The following GUCY1A2 variants were observed in gnomAD, a reference collection of about 807,000 sequenced individuals.
GUCY1A2 encodes the protein guanylate cyclase 1 soluble subunit alpha 2, also known as guanylate cyclase soluble subunit alpha-2.
A neutral mutation model predicts 63.5 loss-of-function variants in GUCY1A2; 27 were observed. That is an observed-to-expected ratio of 0.43 (90% CI 0.31 to 0.59). The LOEUF is 0.59. Ranked by LOEUF, GUCY1A2 falls within the 20% of genes least tolerant of loss-of-function variation. The pLI is 0.11. For synonymous variants in GUCY1A2, 364 were observed against 343.5 expected (o/e 1.06, Z -0.66); for missense variants, 768 against 913.3 (o/e 0.84, Z 2.05).
rs201418928 is a variant in GUCY1A2, at chr11:107,017,941, T to G, written c.115A>C (p.Ser39Arg). The G allele has an allele frequency of 1.4e-3, 1,947 of 1,356,524 alleles. 1 individual carries two copies. The highest frequency in any genetic ancestry group is 1.7e-3 in the Non-Finnish European group (1,803 of 1,046,422). The allele number at this position is 1,356,524 out of a possible 1,614,324, so 84.0% of individuals were successfully genotyped here. A position where few individuals can be genotyped will look rare whatever the true frequency, so the allele number is the denominator to read the frequency against. ...CPLSRLCWNG[S>R]RSPPGPLEPS... ...TCCAGCGGCCCGGGCGGGCTCCGGCTGCCATTCCAGCAGAGCCTAGACAGG... is the reference window on the plus strand; with the variant it reads ...TCCAGCGGCCCGGGCGGGCTCCGGCGGCCATTCCAGCAGAGCCTAGACAGG... Residue 39 changes from serine to arginine, a missense_variant, in exon 1 of 8, where the codon AGC (serine) becomes CGC (arginine). By Grantham distance (110) the Ser-to-Arg change is moderately radical (BLOSUM62 -1). This residue lies in a region of GUCY1A2 where 496 missense variants were observed against 486.9 expected (regional missense o/e 1.02). Coordinates refer to ENST00000526355, the MANE Select transcript of GUCY1A2 (RefSeq NM_000855.3).
intron 7 of GUCY1A2, among the ~76,000 whole-genome samples, chr11:106,700,213 G>A (rs1862795730): frequency 6.6e-6 from 1 of 152,062 alleles, no homozygotes; most frequent in African/African-American, 2.4e-5. Flanking sequence ...TATTTTTACT[G>A]TAAAAATAAC....
chr11:106,747,034 C>CT (rs1193283789), intron 6 of GUCY1A2, among the ~76,000 whole-genome samples: 4 of 152,192 alleles, frequency 2.6e-5, no homozygotes. Flanking sequence ...GTCGCCCACG[C>CT]TGGAGTACAG....
At position 106,836,249 on chromosome 11, in the gene GUCY1A2, A is replaced by G. The variant is rs200435353; in HGVS notation, c.1207-25771T>C. ...TACTAATAGCCTACTGCTGACCAGAAGCTGTACCAATATCATAAACAGTTG... is the reference window on the plus strand; with the variant it reads ...TACTAATAGCCTACTGCTGACCAGAGGCTGTACCAATATCATAAACAGTTG... On this transcript the variant is annotated intron_variant, in intron 4 of 7. Transcript: ENST00000526355. Among the ~76,000 whole-genome samples the G allele has an allele frequency of 2.6e-5, 4 of 152,110 alleles. No individual in the cohort carries two copies. In the East Asian group the frequency reaches 7.8e-4, roughly 30 times the overall value.
At chr11:107,005,441 T>C (rs977392083) in intron 1 of GUCY1A2, among the ~76,000 whole-genome samples, 5 of 152,032 alleles carry the variant, frequency 3.3e-5, no homozygotes, top group Admixed American at 2.0e-4. Context: ...CCCAGCTAAT[T>C]CTTCAGTATT....
At chr11:106,805,695 A>G (rs1858674045) in intron 5 of GUCY1A2, among the ~76,000 whole-genome samples, 2 of 152,168 alleles carry the variant, frequency 1.3e-5, no homozygotes, top group Admixed American at 6.5e-5. Flanking sequence ...GCCACTTTCC[A>G]TAGGAGGAAT....
chr11:106,882,983 T>A (rs1162911065), intron 4 of GUCY1A2, among the ~76,000 whole-genome samples: 1 of 152,096 alleles, frequency 6.6e-6, no homozygotes, highest in Admixed American at 6.6e-5. Flanking sequence ...GAGGGTCATT[T>A]AGTTAAGTAG....
intron 4 of GUCY1A2, among the ~76,000 whole-genome samples, chr11:106,818,344 T>C (rs143608481): frequency 1.1e-4 from 16 of 152,274 alleles, no homozygotes; most frequent in African/African-American, 2.9e-4. Flanking sequence ...TGTGTTATGG[T>C]AACCTGTGAT....
At chr11:107,001,254 G>GACATCTCAAA (rs1449909539) in intron 1 of GUCY1A2, among the ~76,000 whole-genome samples, 1 of 152,144 alleles carries the variant, frequency 6.6e-6, no homozygotes, top group Non-Finnish European at 1.5e-5. Context: ...AAATAACTGA[G>GACATCTCAAA]ACATCTCAAA....
At chr11:106,775,018 GT>G (rs1462934797) in intron 6 of GUCY1A2, among the ~76,000 whole-genome samples, 1 of 152,080 alleles carries the variant, frequency 6.6e-6, no homozygotes, top group Non-Finnish European at 1.5e-5. Flanking sequence ...TCCCAGGTAT[GT>G]TTTTTCACAT....
intron 4 of GUCY1A2, chr11:106,826,856 G>A: frequency 6.2e-7 from 1 of 1,604,462 alleles, no homozygotes; most frequent in Non-Finnish European, 8.5e-7. Flanking sequence ...AGGGATGTGT[G>A]CATATGATCA....
chr11:106,777,704 T>C lies in GUCY1A2; in HGVS notation c.1693-1122A>G, dbSNP rs983580913. 3.0e-4 allele frequency among the ~76,000 whole-genome samples: 35 copies of C among 116,906 alleles called. 1 individual carries two copies. Among genetic ancestry groups the C allele is most frequent in the African/African-American group, 1.0e-3 (32 of 31,642 alleles). The allele number at this position is 116,906 out of a possible 152,430, so 76.7% of individuals were successfully genotyped here. A position where few individuals can be genotyped will look rare whatever the true frequency, so the allele number is the denominator to read the frequency against. Reference sequence around the variant, plus strand: ...GGGGGGTGGGGGGCTAGGGGTGGGATAGCATTAGGAGAATATCTAATGTAG... The same window carrying C: ...GGGGGGTGGGGGGCTAGGGGTGGGACAGCATTAGGAGAATATCTAATGTAG... On this transcript the variant is annotated intron_variant, in intron 5 of 7. Transcript: ENST00000526355.
At chr11:106,811,024 T>C (rs1295565105) in intron 4 of GUCY1A2, among the ~76,000 whole-genome samples, 1 of 152,116 alleles carries the variant, frequency 6.6e-6, no homozygotes, top group Non-Finnish European at 1.5e-5. Context: ...GACAGTTCTC[T>C]TATTCTTAAA....
chr11:106,948,676 GAAAAT>G (rs1158277062), intron 3 of GUCY1A2, among the ~76,000 whole-genome samples: 1 of 152,064 alleles, frequency 6.6e-6, no homozygotes, highest in African/African-American at 2.4e-5. Context: ...TGTGAGATAT[GAAAAT>G]AAAATAACCA....
At chr11:106,842,714 A>C (rs1209281734) in intron 4 of GUCY1A2, among the ~76,000 whole-genome samples, 1 of 151,922 alleles carries the variant, frequency 6.6e-6, no homozygotes, top group Non-Finnish European at 1.5e-5. Context: ...AGTGGTGAGG[A>C]AAAAGGGGGT....
intron 4 of GUCY1A2, among the ~76,000 whole-genome samples, chr11:106,908,523 C>CA (rs1431787259): frequency 1.3e-5 from 2 of 150,126 alleles, no homozygotes; most frequent in Non-Finnish European, 3.0e-5. Context: ...GAGCCGGTGA[C>CA]AAAAAAACAA....
At chr11:106,701,605 T>A (rs548658962) in intron 7 of GUCY1A2, among the ~76,000 whole-genome samples, 1 of 145,538 alleles carries the variant, frequency 6.9e-6, no homozygotes. Flanking sequence ...AGAGTAGAAT[T>A]GTGGGTATTA....
In GUCY1A2 at chr11:106,795,070, T is replaced by A. The variant is rs75050960; in HGVS notation, c.1692+14923A>T. Among the ~76,000 whole-genome samples, 1,178 of 152,296 alleles carry A rather than the reference T, an allele frequency of 7.7e-3. 80 individuals are homozygous for A. The East Asian group carries it at 0.15, about 19-fold the overall frequency. ...TCATTTGCTGAACAAGTTTTTTGTG[T>A]CAACTGCAACAAATATGTGAGACCT... On this transcript the variant is annotated intron_variant, in intron 5 of 7. Coordinates refer to ENST00000526355, the MANE Select transcript of GUCY1A2 (RefSeq NM_000855.3).
intron 4 of GUCY1A2, among the ~76,000 whole-genome samples, chr11:106,930,876 C>T (rs959683677): frequency 6.6e-6 from 1 of 152,180 alleles, no homozygotes; most frequent in South Asian, 2.1e-4. Flanking sequence ...GAGTTCGAGA[C>T]CAGCATATGG....
chr11:106,978,783 G>A (rs1260125749), intron 2 of GUCY1A2, 43 bp from the exon 3 acceptor site: 1 of 1,514,214 alleles, frequency 6.6e-7, no homozygotes, highest in East Asian at 2.3e-5. Context: ...ATTTTTGAAA[G>A]CATCTGCGAA....
Sources: allele counts gnomAD v4.1 joint callset (sites outside exome capture counted in the v4.1 genomes callset), GRCh38; gene constraint gnomAD v4.1.1; regional missense constraint gnomAD v4.1.1; transcripts MANE v1.5; gene names NCBI Gene and HGNC (gene_info 2026-07-23, HGNC 2026-07-21).